Variants in SLC5A1 observed in about 807,000 individuals in gnomAD.
SLC5A1 encodes the protein solute carrier family 5 member 1.
In SLC5A1, 42 loss-of-function variants were observed where a neutral mutation model predicts 73.5. The ratio of observed to expected loss-of-function variants is 0.57; its 90% CI spans 0.45 to 0.74. SLC5A1 has a LOEUF of 0.74. SLC5A1 is among the 30% of genes least tolerant of loss of function. SLC5A1 has a pLI of 0.00. For missense variants in SLC5A1, 634 were observed against 855.4 expected (o/e 0.74, Z 3.23); for synonymous variants, 300 against 317.4 (o/e 0.95, Z 0.58).
At chr22:32,048,526 A>T (rs931377097) in intron 1 of SLC5A1, among the ~76,000 whole-genome samples, 3 of 151,440 alleles carry the variant, frequency 2.0e-5, no homozygotes, top group Non-Finnish European at 4.4e-5. Flanking sequence ...ACTTCTCACC[A>T]CTCTCTCCAT....
At chr22:32,093,693 G>A (rs1372750934) in intron 11 of SLC5A1, among the ~76,000 whole-genome samples, 1 of 151,638 alleles carries the variant, frequency 6.6e-6, no homozygotes, top group Non-Finnish European at 1.5e-5. Flanking sequence ...ATTAATTTTG[G>A]GTCCTGAAAC....
chr22:32,054,076 G>A (rs2093948470), intron 2 of SLC5A1, among the ~76,000 whole-genome samples: 1 of 152,166 alleles, frequency 6.6e-6, no homozygotes, highest in Non-Finnish European at 1.5e-5. Context: ...GGGAGGCTGA[G>A]GTAGGAGAAT....
intron 1 of SLC5A1, among the ~76,000 whole-genome samples, chr22:32,048,649 T>C (rs1316006427): frequency 6.6e-6 from 1 of 152,132 alleles, no homozygotes; most frequent in Middle Eastern, 3.2e-3. Context: ...ACCACATTCC[T>C]CCCTCTTCTC....
At chr22:32,071,321 T>C (rs914270113) in intron 5 of SLC5A1, among the ~76,000 whole-genome samples, 6 of 152,040 alleles carry the variant, frequency 3.9e-5, no homozygotes, top group African/African-American at 1.4e-4. Context: ...GGCATGGTGG[T>C]GTGCACCTGT....
rs200105615 is a variant in SLC5A1, at chr22:32,084,437, A to G, written c.665-2A>G. On this transcript the variant is annotated splice_acceptor_variant, in intron 7 of 14. Transcript: ENST00000266088. LOFTEE classifies it high-confidence loss of function. ...GTTCATTTCTGTACCGATGTTTTCC[A>G]GCTTTTCACGAAGTGGGAGGCTATG... 21 of 1,613,480 alleles carry G rather than the reference A, an allele frequency of 1.3e-5. No individual in the cohort carries two copies. Among genetic ancestry groups the G allele is most frequent in the Non-Finnish European group, 1.8e-5 (21 of 1,179,448 alleles).
chr22:32,050,117 AG>A, intron 2 of SLC5A1, 103 bp downstream of exon 2: 6 of 1,036,232 alleles, frequency 5.8e-6, no homozygotes, highest in Non-Finnish European at 9.1e-6. Context: ...CTAGGATTCA[AG>A]GATCCCAACC....
chr22:32,066,880 C>CT, intron 2 of SLC5A1, 55 bp from the exon 3 acceptor site: 2 of 1,249,558 alleles, frequency 1.6e-6, no homozygotes, highest in Non-Finnish European at 1.2e-6. Flanking sequence ...TTGACCCACT[C>CT]TGAGTGTCCT....
chr22:32,077,846 G>A (rs1003617283), intron 5 of SLC5A1, among the ~76,000 whole-genome samples: 2 of 152,012 alleles, frequency 1.3e-5, no homozygotes, highest in Admixed American at 6.6e-5. Flanking sequence ...ATGGGTACCC[G>A]TATAGCCATA....
At chr22:32,053,248 T>C (rs1162186595) in intron 2 of SLC5A1, among the ~76,000 whole-genome samples, 1 of 152,152 alleles carries the variant, frequency 6.6e-6, no homozygotes, top group Admixed American at 6.5e-5. Flanking sequence ...TGCTCTTTCT[T>C]CTTCCTCCTT....
chr22:32,103,978 A>G (rs1418783958), intron 13 of SLC5A1, among the ~76,000 whole-genome samples: 1 of 152,306 alleles, frequency 6.6e-6, no homozygotes, highest in South Asian at 2.1e-4. Flanking sequence ...AGAGCCAGAA[A>G]GTTAACCCAA....
chr22:32,066,886 G>T, intron 2 of SLC5A1, 49 bp from the exon 3 acceptor site: 1 of 1,312,380 alleles, frequency 7.6e-7, no homozygotes, highest in South Asian at 1.2e-5. Context: ...CACTCTGAGT[G>T]TCCTGGGAGA....
Position 32,090,749 on chromosome 22 carries a change from G to A in SLC5A1, c.1130-863G>A, listed in dbSNP as rs190473502. ...TAGAGAGAAATGAAATTCCACCTAG[G>A]AATGGAATTGATGGGTAATATGGTA... On this transcript the variant is annotated intron_variant, in intron 10 of 14. Coordinates refer to ENST00000266088, the MANE Select transcript of SLC5A1 (RefSeq NM_000343.4). Among the ~76,000 whole-genome samples, 365 of 146,810 alleles carry A rather than the reference G, an allele frequency of 2.5e-3. 1 individual carries two copies. Among genetic ancestry groups the A allele is most frequent in the Non-Finnish European group, 4.7e-3 (312 of 67,040 alleles).
chr22:32,065,664 G>A (rs935538416), intron 2 of SLC5A1, among the ~76,000 whole-genome samples: 10 of 152,214 alleles, frequency 6.6e-5, no homozygotes, highest in African/African-American at 2.4e-4. Flanking sequence ...TAGATGCTAA[G>A]TTAATATTTG....
intron 13 of SLC5A1, among the ~76,000 whole-genome samples, chr22:32,104,474 A>G (rs892959752): frequency 4.6e-5 from 7 of 152,252 alleles, no homozygotes; most frequent in African/African-American, 7.2e-5. Flanking sequence ...TGCCAGTGCT[A>G]AAAGGAACAA....
chr22:32,077,060 A>T (rs2093992095), intron 5 of SLC5A1, among the ~76,000 whole-genome samples: 2 of 152,360 alleles, frequency 1.3e-5, no homozygotes, highest in Admixed American at 1.3e-4. Context: ...AATGCAAAGC[A>T]TAAAACATTT....
At chr22:32,088,233 C>T (rs2094011300) in intron 10 of SLC5A1, among the ~76,000 whole-genome samples, 1 of 151,890 alleles carries the variant, frequency 6.6e-6, no homozygotes, top group African/African-American at 2.4e-5. Context: ...GGACTGTGCA[C>T]AACAGAAAGA....
intron 11 of SLC5A1, 54 bp from the exon 12 acceptor site, chr22:32,099,129 T>C (rs542560777): frequency 1.2e-4 from 75 of 617,006 alleles, no homozygotes; most frequent in African/African-American, 1.2e-3. Flanking sequence ...TATATATATA[T>C]ATACTCATGT....
chr22:32,089,927 C>A (rs1184966821), intron 10 of SLC5A1, among the ~76,000 whole-genome samples: 1 of 152,070 alleles, frequency 6.6e-6, no homozygotes, highest in African/African-American at 2.4e-5. Context: ...GCCAACCAGG[C>A]TTGCCATAAT....
chr22:32,058,454 G>A (rs112505414), intron 2 of SLC5A1, among the ~76,000 whole-genome samples: 1 of 152,084 alleles, frequency 6.6e-6, no homozygotes, highest in African/African-American at 2.4e-5. Flanking sequence ...ACATTCCTCT[G>A]TTGTAAATGA....
Sources: gnomAD v4.1 joint callset for allele counts (sites outside exome capture counted in the v4.1 genomes callset) on GRCh38, gnomAD v4.1.1 for gene constraint, MANE v1.5 for transcripts, NCBI Gene and HGNC (gene_info 2026-07-23, HGNC 2026-07-21) for gene names.